The following DNAH6 variants were observed in gnomAD, a reference collection of about 807,000 sequenced individuals.
DNAH6 encodes axonemal beta dynein heavy chain 6.
Under a neutral mutation model 491.4 loss-of-function variants are expected in DNAH6, and 340 were observed. The observed-to-expected ratio is 0.69, with a 90% CI of 0.63 to 0.76. The LOEUF is 0.76. Among genes scored for constraint, DNAH6 ranks in the 30% least tolerant of loss-of-function variants. The pLI is 0.00. For missense variants in DNAH6, 4,443 were observed against 4,972.2 expected (o/e 0.89, Z 3.20); for synonymous variants, 1,603 against 1,686.1 (o/e 0.95, Z 1.21).
intron 48 of DNAH6, among the ~76,000 whole-genome samples, 175 bp from the exon 49 acceptor site, chr2:84,700,922 C>G (rs1053820716): frequency 3.3e-5 from 5 of 152,192 alleles, no homozygotes; most frequent in Non-Finnish European, 7.3e-5. Flanking sequence ...CCAGGCACCC[C>G]TCAAATGGAC....
rs887956534 is a variant in DNAH6 at position 84,796,550 on chromosome 2, C to T, written c.11359+125C>T. On this transcript the variant is annotated intron_variant, in intron 69 of 76. Transcript: ENST00000389394. ...CAACGCTGTTATAGCCACACCCTAT[C>T]CCCATGCTTGGCCACCTTCAGAGCT... The T allele has an allele frequency of 5.5e-6, 4 of 728,010 alleles. No homozygotes were observed. The Admixed American group carries it at 1.5e-4, about 28-fold the overall frequency. 45.1% of individuals were successfully genotyped at this position (728,010 alleles called of 1,614,324 possible).
At chr2:84,509,259 G>C in the DNAH6 span, among the ~76,000 whole-genome samples, 1 of 152,098 alleles carries the variant, frequency 6.6e-6, no homozygotes. Flanking sequence ...CTCCTGTATT[G>C]GGTGCATATA....
the DNAH6 span, among the ~76,000 whole-genome samples, chr2:84,476,307 G>A: frequency 6.6e-6 from 1 of 152,022 alleles, no homozygotes; most frequent in African/African-American, 2.4e-5. Flanking sequence ...GGTCTCCCTC[G>A]GCTCTAGCCT....
At chr2:84,468,570 A>C in the DNAH6 span, among the ~76,000 whole-genome samples, 1 of 152,344 alleles carries the variant, frequency 6.6e-6, no homozygotes, top group South Asian at 2.1e-4. Context: ...TGCTTAGAGA[A>C]AAGAAAATTT....
At chr2:84,695,152 T>A (rs1229761673) in intron 46 of DNAH6, among the ~76,000 whole-genome samples, 1 of 151,862 alleles carries the variant, frequency 6.6e-6, no homozygotes, top group Non-Finnish European at 1.5e-5. Flanking sequence ...AAAATACTTA[T>A]CACAAATGAA....
At position 84,644,385 on chromosome 2, in the gene DNAH6, G is replaced by T. The variant is rs568000992; in HGVS notation, c.5078+2331G>T. Reference sequence around the variant, plus strand: ...TTTCTTTTCCCCTCCCCTGACAGAAGCATGAAGAGATTTCTTTTCTTTTTC... The same window carrying T: ...TTTCTTTTCCCCTCCCCTGACAGAATCATGAAGAGATTTCTTTTCTTTTTC... On this transcript the variant is annotated intron_variant, in intron 33 of 76. Transcript: ENST00000389394. Among the ~76,000 whole-genome samples the T allele has an allele frequency of 3.5e-3, 536 of 152,230 alleles. 1 individual carries two copies. The highest frequency in any genetic ancestry group is 0.012 in the African/African-American group (488 of 41,544).
chr2:84,634,418 T>A (rs1688678660), intron 29 of DNAH6, 86 bp from the exon 30 acceptor site: 1 of 1,324,164 alleles, frequency 7.6e-7, no homozygotes, highest in Non-Finnish European at 9.7e-7. Context: ...CCACCTCTTT[T>A]TTCTTTAATA....
chr2:84,568,607 G>T (rs555653719), intron 11 of DNAH6, among the ~76,000 whole-genome samples: 3 of 152,118 alleles, frequency 2.0e-5, no homozygotes, highest in Non-Finnish European at 4.4e-5. Flanking sequence ...GCAAATACAT[G>T]TGGGGCTTAA....
Position 84,694,379 on chromosome 2 carries a change from C to A in DNAH6, c.7423C>A (p.Arg2475=), listed in dbSNP as rs760560067. ...CAAATGTTTGCAGATTGAACTCAGC[C>A]GGGGATATAATTATGATAGTTTTCA... ...GYKCLQIELS[R]GYNYDSFHED... is the part of the protein sequence containing the mutation. Residue 2475 remains arginine, a synonymous_variant, in exon 46 of 77, where the codon CGG becomes AGG. Coordinates refer to ENST00000389394, the MANE Select transcript of DNAH6 (RefSeq NM_001370.2). The A allele has an allele frequency of 1.9e-6, 3 of 1,552,174 alleles. No individual in the cohort carries two copies. Among genetic ancestry groups the A allele is most frequent in the Non-Finnish European group, 2.6e-6 (3 of 1,147,128 alleles).
chr2:84,818,483 TCAAAAA>T (rs1680707926), intron 76 of DNAH6, among the ~76,000 whole-genome samples: 2 of 35,518 alleles, frequency 5.6e-5, no homozygotes, highest in Non-Finnish European at 9.3e-5. Flanking sequence ...AGACCCTATC[TCAAAAA>T]AAAAAAAAAA....
At chr2:84,797,223 C>G (rs114976597) in intron 69 of DNAH6, among the ~76,000 whole-genome samples, 3,679 of 152,302 alleles carry the variant, frequency 0.024, 76 homozygotes, top group South Asian at 0.06. Flanking sequence ...ATGAGTTACA[C>G]CTTTCAACAT....
chr2:84,732,734 C>T (rs1699224446), intron 61 of DNAH6, among the ~76,000 whole-genome samples: 2 of 152,154 alleles, frequency 1.3e-5, no homozygotes, highest in African/African-American at 4.8e-5. Flanking sequence ...ATACTGAAAT[C>T]ATTAGATTAT....
Position 84,805,811 on chromosome 2 carries a change from G to C in DNAH6, c.11611+17G>C. The C allele has an allele frequency of 1.9e-6, 3 of 1,545,422 alleles. No individual in the cohort carries two copies. The highest frequency in any genetic ancestry group is 1.7e-6 in the Non-Finnish European group (2 of 1,144,348). ...GAGTTCCAGGTAATAAATAATTCTA[G>C]GAATCTGTATGTAATGGGAATTTTA... On this transcript the variant is annotated intron_variant, in intron 71 of 76. Coordinates refer to ENST00000389394, the MANE Select transcript of DNAH6 (RefSeq NM_001370.2).
intron 29 of DNAH6, among the ~76,000 whole-genome samples, chr2:84,629,845 C>A (rs1470862040): frequency 6.6e-6 from 1 of 151,906 alleles, no homozygotes; most frequent in African/African-American, 2.4e-5. Context: ...CAACAAAATA[C>A]CAAAAATTGA....
chr2:84,736,783 G>A (rs1699570207), intron 62 of DNAH6, among the ~76,000 whole-genome samples: 1 of 152,034 alleles, frequency 6.6e-6, no homozygotes, highest in East Asian at 1.9e-4. Flanking sequence ...AGTGAAGAGA[G>A]ATCATTTGAC....
At chr2:84,632,258 T>C (rs947655658) in intron 29 of DNAH6, among the ~76,000 whole-genome samples, 18 of 152,160 alleles carry the variant, frequency 1.2e-4, no homozygotes, top group Admixed American at 6.5e-5. Context: ...CTGGTTTGGA[T>C]AAGAGCAAGG....
rs752156296 is a variant in DNAH6, at chr2:84,634,598, T to C, written c.4610T>C (p.Ile1537Thr). ...ATTGACATAGAAGTTCTGTCCGTCA[T>C]CGCGCAGCAACTCATTACCATTAGG... ...NRIDIEVLSV[I>T]AQQLITIRNA... The change falls in exon 30 of 77, where the codon ATC becomes ACC. Residue 1537 changes from isoleucine to threonine, a missense_variant. Ile to Thr is a moderately conservative substitution (Grantham distance 89). Around this residue, in one of 3 missense-constraint regions of DNAH6, gnomAD observed 2,977 missense variants for 3,296.6 expected, o/e 0.90. Transcript: ENST00000389394. The C allele has an allele frequency of 3.2e-6, 5 of 1,550,332 alleles. No individual in the cohort carries two copies.
At chr2:84,730,986 A>T (rs1442767641) in intron 61 of DNAH6, among the ~76,000 whole-genome samples, 1 of 152,242 alleles carries the variant, frequency 6.6e-6, no homozygotes, top group African/African-American at 2.4e-5. Flanking sequence ...GGATCTTCGC[A>T]TACTGGCTCC....
intron 14 of DNAH6, among the ~76,000 whole-genome samples, chr2:84,583,789 G>A (rs970202881): frequency 1.3e-5 from 2 of 148,800 alleles, no homozygotes; most frequent in Non-Finnish European, 2.9e-5. Flanking sequence ...CTTTAGCCGT[G>A]ACTGTGAGTC....
Sources: allele counts gnomAD v4.1 joint callset (sites outside exome capture counted in the v4.1 genomes callset), GRCh38; gene constraint gnomAD v4.1.1; regional missense constraint gnomAD v4.1.1; transcripts MANE v1.5; gene names NCBI Gene and HGNC (gene_info 2026-07-23, HGNC 2026-07-21).